The following SLCO2B1 variants were observed in gnomAD, a reference collection of about 807,000 sequenced individuals.
SLCO2B1 encodes the protein solute carrier organic anion transporter family member 2B1.
A neutral mutation model predicts 67.3 loss-of-function variants in SLCO2B1; 41 were observed. The ratio of observed to expected loss-of-function variants is 0.61; its 90% CI spans 0.47 to 0.79. SLCO2B1 has a LOEUF of 0.79. SLCO2B1 is among the 30% of genes least tolerant of loss of function. The pLI is 0.00. For synonymous variants in SLCO2B1, 379 were observed against 381.4 expected, an observed-to-expected ratio of 0.99 and a Z score of 0.07; for missense variants, 837 against 920.1, an observed-to-expected ratio of 0.91 and a Z score of 1.17.
At position 75,193,400 on chromosome 11, in the gene SLCO2B1, T is replaced by C. The variant is rs1489073015; in HGVS notation, c.1258T>C (p.Ser420Pro). 4 of 1,614,158 alleles carry C rather than the reference T, an allele frequency of 2.5e-6. No individual in the cohort carries two copies. Among genetic ancestry groups the C allele is most frequent in the Non-Finnish European group, 2.5e-6 (3 of 1,180,008 alleles). ...NLLIGCLSFP[S>P]VIVGIVVGGV... Reference sequence around the variant, plus strand: ...GCTCATCGGCTGCCTCTCCTTCCCTTCGGTCATCGTGGGCATCGTGGTGGG... The same window carrying C: ...GCTCATCGGCTGCCTCTCCTTCCCTCCGGTCATCGTGGGCATCGTGGTGGG... Residue 420 changes from serine (S) to proline (P), a missense_variant, in exon 9 of 14, where the codon TCG becomes CCG. Transcript: ENST00000289575. This position sits in a 1 kb window ranked among gnomAD's most constrained non-coding sequence, Gnocchi z 4.2.
In SLCO2B1 at chr11:75,182,739, TA is replaced by T. The variant is rs34005082; in HGVS notation, c.973-5384del. 5.2e-3 allele frequency among the ~76,000 whole-genome samples: 746 copies of T among 144,140 alleles called. 3 individuals carry two copies. The highest frequency in any genetic ancestry group is 0.011 in the African/African-American group (451 of 39,460). The allele number at this position is 144,140 out of a possible 152,430, so 94.6% of individuals were successfully genotyped here. On this transcript the variant is annotated intron_variant, in intron 7 of 13. Coordinates refer to ENST00000289575, the MANE Select transcript of SLCO2B1 (RefSeq NM_007256.5). Reference sequence around the variant, plus strand: ...TCTGGGGGACACAGCAAGGCTCTGTTAAAAAAAAAAAAAGTGCAATGTAGAC... The same window carrying T: ...TCTGGGGGACACAGCAAGGCTCTGTTAAAAAAAAAAAAGTGCAATGTAGAC...
rs1348546047 is a variant in SLCO2B1 at position 75,200,698 on chromosome 11, ACATACCTAG to A, written c.1763+312_1763+320del. ...TCCTACTTGCCCAGGGGAGAGGAGG[ACATACCTAG>A]GGCCCTGTCCTGGCCTCTGGAGGTG... On this transcript the variant is annotated intron_variant, in intron 11 of 13. Coordinates refer to ENST00000289575, the MANE Select transcript of SLCO2B1 (RefSeq NM_007256.5). 1.8e-4 allele frequency: 50 copies of A among 273,786 alleles called. 1 individual carries two copies. The Admixed American group carries it at 2.3e-3, about 12-fold the overall frequency. The allele number at this position is 273,786 out of a possible 1,614,324, so 17.0% of individuals were successfully genotyped here. A position where few individuals can be genotyped will look rare whatever the true frequency, so the allele number is the denominator to read the frequency against.
intron 7 of SLCO2B1, among the ~76,000 whole-genome samples, chr11:75,184,083 C>G (rs1437320614): frequency 6.6e-6 from 1 of 152,190 alleles, no homozygotes; most frequent in Non-Finnish European, 1.5e-5. Context: ...TGTCTCGGAA[C>G]CATCAGCAGT....
At chr11:75,187,852 T>G (rs555155947) in intron 7 of SLCO2B1, among the ~76,000 whole-genome samples, 1 of 152,168 alleles carries the variant, frequency 6.6e-6, no homozygotes, top group Non-Finnish European at 1.5e-5. Context: ...CCTAAAAATG[T>G]TGGTGATTAT....
chr11:75,151,456 A>G lies in SLCO2B1; in HGVS notation c.16+59A>G, dbSNP rs1016999851. The G allele has an allele frequency of 2.3e-5, 37 of 1,593,732 alleles. No homozygotes were observed. The African/African-American group carries it at 4.6e-4, about 20-fold the overall frequency. On this transcript the variant is annotated intron_variant, in intron 1 of 13. Transcript: ENST00000289575. ...GAGCAAGCCTGGGGGACATGTTCCC[A>G]GAGAAAAGGGTGAGGCCGTAGAGCC...
chr11:75,177,681 A>G (rs78847606), intron 7 of SLCO2B1, among the ~76,000 whole-genome samples: 1 of 152,226 alleles, frequency 6.6e-6, no homozygotes, highest in African/African-American at 2.4e-5. Context: ...ACTTAACCCA[A>G]AACAAAGGGC....
rs535400469 is a variant in SLCO2B1, at chr11:75,196,771, C to G, written c.1599+92C>G. On this transcript the variant is annotated intron_variant, in intron 10 of 13. Coordinates refer to ENST00000289575, the MANE Select transcript of SLCO2B1 (RefSeq NM_007256.5). ...GTCATACTCTCCACTTCTGCATGCTCTCACTCTGTAGCTCTCGTCTCTCTG... is the reference window on the plus strand; with the variant it reads ...GTCATACTCTCCACTTCTGCATGCTGTCACTCTGTAGCTCTCGTCTCTCTG... 2.6e-4 allele frequency: 310 copies of G among 1,176,658 alleles called. 2 individuals are homozygous for G. The African/African-American group carries it at 4.3e-3, about 16-fold the overall frequency. The allele number at this position is 1,176,658 out of a possible 1,614,324, so 72.9% of individuals were successfully genotyped here.
chr11:75,169,862 G>A, intron 6 of SLCO2B1, 98 bp downstream of exon 6: 1 of 943,076 alleles, frequency 1.1e-6, no homozygotes, highest in Non-Finnish European at 1.7e-6. Context: ...AATCCTAGCA[G>A]CACCACTGAC....
chr11:75,204,807 G>T lies in SLCO2B1; in HGVS notation c.*227G>T. ...GTGTTGGCCATTTCTGGAGCAAGAG[G>T]GTCTTCTTCCTCCTTCCCCCAGCCA... On this transcript the variant is annotated 3_prime_UTR_variant, in exon 14 of 14. Coordinates refer to ENST00000289575, the MANE Select transcript of SLCO2B1 (RefSeq NM_007256.5). 2.7e-6 allele frequency: 1 copy of T among 367,396 alleles called. No homozygotes were observed. The highest frequency in any genetic ancestry group is 4.8e-6 in the Non-Finnish European group (1 of 206,428). The allele number at this position is 367,396 out of a possible 1,614,324, so 22.8% of individuals were successfully genotyped here.
intron 10 of SLCO2B1, among the ~76,000 whole-genome samples, chr11:75,198,047 G>A (rs1234287269): frequency 2.0e-5 from 3 of 152,156 alleles, no homozygotes; most frequent in Non-Finnish European, 4.4e-5. Context: ...CCCTCATGCT[G>A]GGCATCAGCA....
chr11:75,157,078 C>T (rs1407666438), intron 1 of SLCO2B1: 1 of 152,348 alleles, frequency 6.6e-6, no homozygotes, highest in Admixed American at 6.5e-5. Context: ...CTTATTTTAC[C>T]CAATCCCTAC....
At chr11:75,176,070 TCA>T (rs1950019308) in intron 7 of SLCO2B1, among the ~76,000 whole-genome samples, 1 of 152,210 alleles carries the variant, frequency 6.6e-6, no homozygotes, top group Admixed American at 6.5e-5. Flanking sequence ...CCTCTAGGCC[TCA>T]GTCTTCCTGT....
intron 1 of SLCO2B1, among the ~76,000 whole-genome samples, chr11:75,160,782 C>T (rs1361570307): frequency 1.3e-5 from 2 of 152,310 alleles, no homozygotes; most frequent in East Asian, 3.9e-4. Context: ...TTTGTATAGA[C>T]ATTTCTCCAA....
At chr11:75,159,679 AC>A in intron 1 of SLCO2B1, 1 of 183,128 alleles carries the variant, frequency 5.5e-6, no homozygotes, top group Non-Finnish European at 1.0e-5. Flanking sequence ...TGACCAGCTG[AC>A]CCCCAATACA....
intron 8 of SLCO2B1, among the ~76,000 whole-genome samples, chr11:75,190,442 G>A (rs1313427900): frequency 1.3e-5 from 2 of 152,214 alleles, no homozygotes; most frequent in African/African-American, 4.8e-5. Context: ...TATACTCTTG[G>A]GGAAAGATAA....
intron 1 of SLCO2B1, among the ~76,000 whole-genome samples, chr11:75,161,104 A>C (rs903615915): frequency 1.3e-5 from 2 of 152,260 alleles, no homozygotes; most frequent in Admixed American, 6.5e-5. Context: ...AGAATTGAAA[A>C]TGTATGTCTC....
intron 8 of SLCO2B1, among the ~76,000 whole-genome samples, chr11:75,190,791 A>G (rs1272841768): frequency 2.6e-5 from 4 of 152,090 alleles, no homozygotes; most frequent in Non-Finnish European, 5.9e-5. Flanking sequence ...TAGCTGGGTG[A>G]GGCTCCTGGC....
At chr11:75,200,626 C>T in intron 11 of SLCO2B1, 1 of 450,644 alleles carries the variant, frequency 2.2e-6, no homozygotes, top group South Asian at 4.1e-5. Context: ...CATCACATAG[C>T]AAGTGTTGGG....
chr11:75,154,062 A>G (rs1198923741), intron 1 of SLCO2B1, among the ~76,000 whole-genome samples: 1 of 151,014 alleles, frequency 6.6e-6, no homozygotes, highest in Non-Finnish European at 1.5e-5. Context: ...AGTAGCTGGG[A>G]CTACAGGCAC....
Sources: gnomAD v4.1 joint callset for allele counts (sites outside exome capture counted in the v4.1 genomes callset) on GRCh38, gnomAD v4.1.1 for gene constraint, Gnocchi (gnomAD v3.1) non-coding constraint, MANE v1.5 for transcripts, NCBI Gene and HGNC (gene_info 2026-07-23, HGNC 2026-07-21) for gene names.